ZNF862: variants seen among roughly 807,000 people sequenced by gnomAD.
ZNF862 encodes zinc finger protein 862.
Under a neutral mutation model 91.1 loss-of-function variants are expected in ZNF862, and 64 were observed. The ratio of observed to expected loss-of-function variants is 0.70; its 90% confidence interval spans 0.57 to 0.87. The LOEUF (loss-of-function observed/expected upper bound fraction) is 0.87, where lower values mean the gene tolerates loss of function less well. ZNF862 is among the 40% of genes least tolerant of loss of function. The probability of loss-of-function intolerance (pLI) is 0.00; values close to 1 mark genes in which losing one functional copy is unlikely to be tolerated. For missense variants in ZNF862, 1,459 were observed against 1,528.0 expected (o/e 0.95, Z 0.75); for synonymous variants, 631 against 618.1 (o/e 1.02, Z -0.31).
intron 7 of ZNF862, 81 bp from the exon 8 acceptor site, chr7:149,864,028 C>T (rs1355976113): frequency 2.8e-6 from 4 of 1,451,604 alleles, no homozygotes; most frequent in Non-Finnish European, 3.7e-6. Flanking sequence ...CTTTCCTCAC[C>T]AAACAGCCCC....
In ZNF862 at chr7:149,848,632, A is replaced by G. The variant is rs573620234; in HGVS notation, c.939+200A>G. ...CCATGTATTATCTCATTTAATTTGG[A>G]CAACAACCCTATTATCATCTCCTTT... On this transcript the variant is annotated intron_variant, in intron 4 of 7. Coordinates refer to ENST00000223210, the MANE Select transcript of ZNF862 (RefSeq NM_001099220.3). Among the ~76,000 whole-genome samples, 3 of 152,326 alleles carry G rather than the reference A, an allele frequency of 2.0e-5. No homozygotes were observed. The East Asian group carries it at 5.8e-4, about 29-fold the overall frequency.
At position 149,861,766 on chromosome 7, in the gene ZNF862, A is replaced by G; in HGVS notation, c.2606A>G (p.Asn869Ser). The change falls in exon 7 of 8, where the codon AAC (asparagine) becomes AGC (serine). Residue 869 changes from asparagine to serine, a missense_variant. Physicochemically the swap from Asn to Ser is conservative, Grantham distance 46. Coordinates refer to ENST00000223210, the MANE Select transcript of ZNF862 (RefSeq NM_001099220.3). The surrounding 1 kb of genome is among the most constrained non-coding windows in gnomAD (Gnocchi z 6.7). ...GAGATCGTGCTGATTACAGAGGTGA[A>G]CGCCACGCTGGGCCGCGCCTACGTG... ...QKEIVLITEVNATLGRAYVAL... is the reference protein window; with the variant it reads ...QKEIVLITEVSATLGRAYVAL... The G allele has an allele frequency of 6.2e-7, 1 of 1,613,620 alleles. No homozygotes were observed. Among genetic ancestry groups the G allele is most frequent in the South Asian group, 1.1e-5 (1 of 91,082 alleles).
intron 2 of ZNF862, 56 bp from the exon 3 acceptor site, chr7:149,846,095 A>G: frequency 7.7e-7 from 1 of 1,296,930 alleles, no homozygotes; most frequent in Non-Finnish European, 1.1e-6. Flanking sequence ...ACCCGGAGCC[A>G]GGTCTTCATA....
Position 149,865,631 on chromosome 7 carries a change from A to AT in ZNF862, c.*1351dup, listed in dbSNP as rs1391102114. 4 of 152,110 alleles carry AT rather than the reference A, an allele frequency of 2.6e-5. No homozygotes were observed. The highest frequency in any genetic ancestry group is 5.9e-5 in the Non-Finnish European group (4 of 68,032). The allele number at this position is 152,110 out of a possible 1,614,324, so 9.4% of individuals were successfully genotyped here. On this transcript the variant is annotated 3_prime_UTR_variant, in exon 8 of 8. Transcript: ENST00000223210. ...GAGGCCGCTTATCAGGAGGAGGATG[A>AT]TTTTGTCTAGGTTCTGCCTTCCTTA...
chr7:149,860,673 A>C lies in ZNF862; in HGVS notation c.1513A>C (p.Arg505=), dbSNP rs778005676. ...CCATGATAAATCATCTCGGTTAGTC[A>C]GAGGTTACACGGGGCCTTTTAAAGT... ...NLHDKSSRLV[R]GYTGPFKVET... The change falls in exon 7 of 8, where the codon AGA becomes CGA. Residue 505 remains arginine (R), a synonymous_variant. Transcript: ENST00000223210. 27 of 1,614,064 alleles carry C rather than the reference A, an allele frequency of 1.7e-5. No homozygotes were observed. The highest frequency in any genetic ancestry group is 2.0e-5 in the Non-Finnish European group (24 of 1,179,910).
At position 149,838,454 on chromosome 7, in the gene ZNF862, C is replaced by T. The variant is rs1173873283; in HGVS notation, c.-158C>T. 2 of 433,686 alleles carry T rather than the reference C, an allele frequency of 4.6e-6. No homozygotes were observed. The highest frequency in any genetic ancestry group is 2.0e-5 in the African/African-American group (1 of 49,328). The allele number at this position is 433,686 out of a possible 1,614,324, so 26.9% of individuals were successfully genotyped here. A position where few individuals can be genotyped will look rare whatever the true frequency, so the allele number is the denominator to read the frequency against. Reference sequence around the variant, plus strand: ...ATCCTGGGTCCACCGGCGCTACCGCCCCCCGACGTGAGAGAGCGAAGTTCT... The same window carrying T: ...ATCCTGGGTCCACCGGCGCTACCGCTCCCCGACGTGAGAGAGCGAAGTTCT... On this transcript the variant is annotated 5_prime_UTR_variant, in exon 1 of 8. Transcript: ENST00000223210.
In ZNF862 at chr7:149,844,517, T is replaced by C. The variant is rs55845879; in HGVS notation, c.25-108T>C. The C allele has an allele frequency of 7.9e-3, 5,515 of 696,878 alleles. 185 individuals carry two copies. The African/African-American group carries it at 0.081, about 10-fold the overall frequency. 43.2% of individuals were successfully genotyped at this position (696,878 alleles called of 1,614,324 possible). ...ATGGGGTGTGGGCCATGCATGTAAA[T>C]TGACAACACCCCTCCCCGTGTAGGG... On this transcript the variant is annotated intron_variant, in intron 1 of 7. Transcript: ENST00000223210.
In ZNF862 at chr7:149,859,486, G is replaced by A. The variant is rs1189847773; in HGVS notation, c.1182G>A (p.Lys394=). 6.3e-7 allele frequency: 1 copy of A among 1,586,298 alleles called. No homozygotes were observed. The highest frequency in any genetic ancestry group is 8.6e-7 in the Non-Finnish European group (1 of 1,165,640). The change falls in exon 6 of 8, where the codon AAG becomes AAA. Residue 394 remains lysine (K), a synonymous_variant. Transcript: ENST00000223210. ...AGCGGAGGGCTGCACCCTGGATCAA[G>A]GACCCAAATGGGCCAAAGTGGGGGA... ...KLERRAAPWI[K]DPNGPKWGKG...
In ZNF862 at chr7:149,862,440, C is replaced by A. The variant is rs370146511; in HGVS notation, c.3280C>A (p.Arg1094=). Residue 1094 remains arginine (R), a synonymous_variant, in exon 7 of 8, where the codon CGG becomes AGG. Coordinates refer to ENST00000223210, the MANE Select transcript of ZNF862 (RefSeq NM_001099220.3). ...GCACTGGTACCTGACCTCCTCAGGC[C>A]GGCGTTTCAGCCATGTCTACACCTG... ...IQHWYLTSSG[R]RFSHVYTCAQ... is the part of the protein sequence containing the mutation. The A allele has an allele frequency of 6.2e-7, 1 of 1,611,928 alleles. No individual in the cohort carries two copies. The highest frequency in any genetic ancestry group is 1.3e-5 in the African/African-American group (1 of 75,014).
intron 1 of ZNF862, among the ~76,000 whole-genome samples, chr7:149,843,441 TTA>T (rs1174157579): frequency 6.6e-6 from 1 of 152,252 alleles, no homozygotes; most frequent in Non-Finnish European, 1.5e-5. Flanking sequence ...TTGATTTCTT[TTA>T]TAACACTTTG....
Position 149,861,151 on chromosome 7 carries a change from GT to G in ZNF862, c.1992del (p.Ser664ArgfsTer39). The G allele has an allele frequency of 6.2e-7, 1 of 1,613,082 alleles. No individual in the cohort carries two copies. Among genetic ancestry groups the G allele is most frequent in the Non-Finnish European group, 8.5e-7 (1 of 1,179,856 alleles). ...TACATCACTCTGGCCCCTCTCTACA[GT>G]GAGACAGCAGATGGGTACTTCGAGA... is the stretch of plus-strand genomic sequence containing the variant. ...ESYITLAPLY[S>X]ETADGYFETI... is the part of the protein sequence containing the mutation. On this transcript the variant is annotated frameshift_variant, in exon 7 of 8. Coordinates refer to ENST00000223210, the MANE Select transcript of ZNF862 (RefSeq NM_001099220.3). LOFTEE classifies it high-confidence loss of function. The surrounding 1 kb of genome is among the most constrained non-coding windows in gnomAD (Gnocchi z 6.7).
At position 149,860,618 on chromosome 7, in the gene ZNF862, CT is replaced by C. The variant is rs1802434628; in HGVS notation, c.1459del (p.Cys487AlafsTer5). ...VIDPKETKLF[C>X]SACIERPNLH... ...TTGACCCCAAAGAGACCAAACTCTT[CT>C]GCTCAGCCTGCATAGAAAGACCTAA... On this transcript the variant is annotated frameshift_variant, in exon 7 of 8. Transcript: ENST00000223210. LOFTEE classifies it high-confidence loss of function. 1 of 1,614,012 alleles carries C rather than the reference CT, an allele frequency of 6.2e-7. No individual in the cohort carries two copies. The highest frequency in any genetic ancestry group is 8.5e-7 in the Non-Finnish European group (1 of 1,179,894).
In ZNF862 at chr7:149,844,653, T is replaced by C. The variant is rs768126627; in HGVS notation, c.53T>C (p.Val18Ala). ...CCTGTGACGTTTGATGACATCACTG[T>C]GTACTTACTCCAGGAGGAATGGGTG... ...KAPVTFDDIT[V>A]YLLQEEWVLL... The change falls in exon 2 of 8, where the codon GTG (valine) becomes GCG (alanine). Residue 18 changes from valine (V) to alanine (A), a missense_variant. By Grantham distance (64) the Val-to-Ala change is moderately conservative. Transcript: ENST00000223210. 40 of 1,605,488 alleles carry C rather than the reference T, an allele frequency of 2.5e-5. No homozygotes were observed. Among genetic ancestry groups the C allele is most frequent in the Non-Finnish European group, 2.8e-5 (33 of 1,175,874 alleles).
At position 149,861,110 on chromosome 7, in the gene ZNF862, G is replaced by A; in HGVS notation, c.1950G>A (p.Met650Ile). ...TTTACATCCGCTACTTCAAGCAGATGGAGGTGAAAGAGTCCTACATCACTC... is the reference window on the plus strand; with the variant it reads ...TTTACATCCGCTACTTCAAGCAGATAGAGGTGAAAGAGTCCTACATCACTC... ...VGIYIRYFKQ[M>I]EVKESYITLA... Residue 650 changes from methionine (M) to isoleucine (I), a missense_variant, in exon 7 of 8, where the codon ATG (methionine) becomes ATA (isoleucine). Coordinates refer to ENST00000223210, the MANE Select transcript of ZNF862 (RefSeq NM_001099220.3). This position sits in a 1 kb window ranked among gnomAD's most constrained non-coding sequence, Gnocchi z 6.7. The A allele has an allele frequency of 6.2e-7, 1 of 1,612,964 alleles. No individual in the cohort carries two copies. Among genetic ancestry groups the A allele is most frequent in the Non-Finnish European group, 8.5e-7 (1 of 1,179,826 alleles).
chr7:149,859,175 TC>T, intron 5 of ZNF862: 1 of 549,466 alleles, frequency 1.8e-6, no homozygotes, highest in Non-Finnish European at 3.3e-6. Flanking sequence ...TTTCCACCCT[TC>T]CCCCTCTGGT....
Position 149,866,262 on chromosome 7 carries a change from C to A in ZNF862, c.*1978C>A, listed in dbSNP as rs1350075352. ...CGGGAGCTCTGGGAGGTGTTACTAT[C>A]TGCGTGGCTAAGGCACACACAGGCC... On this transcript the variant is annotated 3_prime_UTR_variant, in exon 8 of 8. Coordinates refer to ENST00000223210, the MANE Select transcript of ZNF862 (RefSeq NM_001099220.3). 1 of 152,210 alleles carries A rather than the reference C, an allele frequency of 6.6e-6. No individual in the cohort carries two copies. Among genetic ancestry groups the A allele is most frequent in the Non-Finnish European group, 1.5e-5 (1 of 68,064 alleles). 9.4% of individuals were successfully genotyped at this position (152,210 alleles called of 1,614,324 possible). A position where few individuals can be genotyped will look rare whatever the true frequency, so the allele number is the denominator to read the frequency against.
In ZNF862 at chr7:149,860,875, T is replaced by C. The variant is rs761573062; in HGVS notation, c.1715T>C (p.Leu572Pro). 1 of 1,613,620 alleles carries C rather than the reference T, an allele frequency of 6.2e-7. No homozygotes were observed. Among genetic ancestry groups the C allele is most frequent in the Non-Finnish European group, 8.5e-7 (1 of 1,179,850 alleles). Reference sequence around the variant, plus strand: ...TCCATTGCATACCACTCAAGGCCCCTGAATGACTTTGAGAAGATCCTGCAG... The same window carrying C: ...TCCATTGCATACCACTCAAGGCCCCCGAATGACTTTGAGAAGATCCTGCAG... ...AYSIAYHSRPLNDFEKILQLL... is the reference protein window; with the variant it reads ...AYSIAYHSRPPNDFEKILQLL... The change falls in exon 7 of 8, where the codon CTG becomes CCG. Residue 572 changes from leucine to proline, a missense_variant. Coordinates refer to ENST00000223210, the MANE Select transcript of ZNF862 (RefSeq NM_001099220.3).
chr7:149,861,271 G>C lies in ZNF862; in HGVS notation c.2111G>C (p.Cys704Ser). The C allele has an allele frequency of 1.2e-6, 2 of 1,612,252 alleles. No homozygotes were observed. Among genetic ancestry groups the C allele is most frequent in the Non-Finnish European group, 1.7e-6 (2 of 1,179,578 alleles). The change falls in exon 7 of 8, where the codon TGC (cysteine) becomes TCC (serine). Residue 704 changes from cysteine to serine, a missense_variant. Cys to Ser is a moderately radical substitution (Grantham distance 112). Coordinates refer to ENST00000223210, the MANE Select transcript of ZNF862 (RefSeq NM_001099220.3). The surrounding 1 kb of genome is among the most constrained non-coding windows in gnomAD (Gnocchi z 6.7). ...LGTDGSAMLS[C>S]RGGLVEKFQE... ...ACGGATGGCTCAGCCATGTTGAGCT[G>C]CAGAGGAGGCCTTGTGGAAAAGTTC...
chr7:149,848,445 T>A lies in ZNF862; in HGVS notation c.939+13T>A. 4 of 1,485,412 alleles carry A rather than the reference T, an allele frequency of 2.7e-6. No individual in the cohort carries two copies. The highest frequency in any genetic ancestry group is 3.6e-6 in the Non-Finnish European group (4 of 1,112,574). The allele number at this position is 1,485,412 out of a possible 1,614,324, so 92.0% of individuals were successfully genotyped here. A position where few individuals can be genotyped will look rare whatever the true frequency, so the allele number is the denominator to read the frequency against. ...ATCCTGCATTCAGGTAATACGTTTA[T>A]AATGATTGCTGTATCTTACAGAGAA... On this transcript the variant is annotated intron_variant, in intron 4 of 7. Coordinates refer to ENST00000223210, the MANE Select transcript of ZNF862 (RefSeq NM_001099220.3).
Sources: allele counts gnomAD v4.1 joint callset (sites outside exome capture counted in the v4.1 genomes callset), GRCh38; gene constraint gnomAD v4.1.1; non-coding constraint Gnocchi (gnomAD v3.1); transcripts MANE v1.5; gene names NCBI Gene and HGNC (gene_info 2026-07-23, HGNC 2026-07-21).